KCNAB1: variants seen among roughly 807,000 people sequenced by gnomAD.
KCNAB1 encodes the protein voltage-gated potassium channel subunit beta-1.
KCNAB1 carries 35 observed loss-of-function variants against 64.6 expected under a neutral mutation model. The ratio of observed to expected loss-of-function variants is 0.54; its 90% confidence interval spans 0.41 to 0.72. The LOEUF (loss-of-function observed/expected upper bound fraction) is 0.72, where lower values mean the gene tolerates loss of function less well. Ranked by LOEUF, KCNAB1 falls within the 30% of genes least tolerant of loss-of-function variation. The pLI, the probability that KCNAB1 is intolerant of heterozygous loss-of-function variation, is 0.00. For synonymous variants in KCNAB1, 177 were observed against 183.8 expected, an observed-to-expected ratio of 0.96 and a Z score of 0.30; for missense variants, 401 against 512.9, an observed-to-expected ratio of 0.78 and a Z score of 2.11.
chr3:156,131,285 C>A (rs910190833), intron 1 of KCNAB1, among the ~76,000 whole-genome samples: 1 of 152,166 alleles, frequency 6.6e-6, no homozygotes, highest in Admixed American at 6.5e-5. Flanking sequence ...CAACAGCCTC[C>A]CCAGGTATGT....
intron 1 of KCNAB1, among the ~76,000 whole-genome samples, chr3:156,343,997 G>A (rs988361726): frequency 3.9e-5 from 6 of 152,100 alleles, no homozygotes; most frequent in African/African-American, 9.7e-5. Context: ...CTAAAACCAC[G>A]TCTTGATTAC....
rs1284524252 is a variant in KCNAB1, at chr3:156,179,416, A to AC, written c.275+58541dup. Among the ~76,000 whole-genome samples the AC allele has an allele frequency of 8.2e-3, 621 of 75,856 alleles. 9 individuals are homozygous for AC. Among genetic ancestry groups the AC allele is most frequent in the East Asian group, 0.033 (58 of 1,760 alleles). The allele number at this position is 75,856 out of a possible 152,430, so 49.8% of individuals were successfully genotyped here. A position where few individuals can be genotyped will look rare whatever the true frequency, so the allele number is the denominator to read the frequency against. ...ATTCTTTATTATTCCCTGGTTTGGA[A>AC]CCCCCCCCCCCACCCCCTCACCCCC... On this transcript the variant is annotated intron_variant, in intron 1 of 13. Coordinates refer to ENST00000490337, the MANE Select transcript of KCNAB1 (RefSeq NM_172160.3).
At chr3:156,138,336 G>T (rs973220696) in intron 1 of KCNAB1, among the ~76,000 whole-genome samples, 3 of 152,134 alleles carry the variant, frequency 2.0e-5, no homozygotes, top group African/African-American at 7.2e-5. Context: ...AAAAATATGC[G>T]CTGGACTGTA....
At chr3:156,350,519 A>AC (rs1484735124) in intron 1 of KCNAB1, among the ~76,000 whole-genome samples, 1 of 152,128 alleles carries the variant, frequency 6.6e-6, no homozygotes, top group African/African-American at 2.4e-5. Context: ...AAAAAAAAAA[A>AC]AAAAGAGTGA....
chr3:156,218,892 C>T (rs570848627), intron 1 of KCNAB1, among the ~76,000 whole-genome samples: 3 of 151,458 alleles, frequency 2.0e-5, no homozygotes, highest in African/African-American at 7.2e-5. Flanking sequence ...CAGGAAGCCT[C>T]ATTCCTAGGG....
chr3:156,478,528 C>T (rs1026888677), intron 8 of KCNAB1, among the ~76,000 whole-genome samples: 2 of 152,038 alleles, frequency 1.3e-5, no homozygotes, highest in Non-Finnish European at 2.9e-5. Flanking sequence ...CCAGGTAGCG[C>T]GGAGTACAAG....
At chr3:156,348,891 C>T (rs1413373136) in intron 1 of KCNAB1, among the ~76,000 whole-genome samples, 9 of 152,164 alleles carry the variant, frequency 5.9e-5, no homozygotes, top group Admixed American at 5.9e-4. Flanking sequence ...CCTCTGGACC[C>T]TCTAAAATTT....
chr3:156,502,506 A>C (rs907037411), intron 8 of KCNAB1, among the ~76,000 whole-genome samples: 13 of 150,690 alleles, frequency 8.6e-5, no homozygotes, highest in Admixed American at 1.3e-4. Context: ...ATGAAAAAAA[A>C]ATGAAACCAG....
intron 1 of KCNAB1, among the ~76,000 whole-genome samples, chr3:156,201,993 AG>A (rs1714363567): frequency 6.6e-6 from 1 of 152,170 alleles, no homozygotes; most frequent in African/African-American, 2.4e-5. Flanking sequence ...GAGCAGACCA[AG>A]GGGTTCTCAG....
chr3:156,204,140 G>A (rs960656129), intron 1 of KCNAB1, among the ~76,000 whole-genome samples: 1 of 152,230 alleles, frequency 6.6e-6, no homozygotes, highest in African/African-American at 2.4e-5. Context: ...AAGGCTGAAA[G>A]CTTCACTTGT....
At chr3:156,273,602 G>T in intron 1 of KCNAB1, 1 of 456,612 alleles carries the variant, frequency 2.2e-6, no homozygotes, top group Non-Finnish European at 4.4e-6. Flanking sequence ...GTGGGAGAAG[G>T]GTGGCATCGG....
chr3:156,468,302 A>G (rs926313642), intron 7 of KCNAB1, among the ~76,000 whole-genome samples: 1 of 152,154 alleles, frequency 6.6e-6, no homozygotes, highest in African/African-American at 2.4e-5. Flanking sequence ...CAGAATGTAT[A>G]TATATGTATT....
intron 1 of KCNAB1, chr3:156,143,095 A>T (rs1577632058): frequency 6.8e-7 from 1 of 1,467,958 alleles, no homozygotes; most frequent in Non-Finnish European, 9.0e-7. Context: ...GAAGCCAGAT[A>T]ACCCAAGGTA....
At chr3:156,385,342 C>G (rs889166855) in intron 1 of KCNAB1, among the ~76,000 whole-genome samples, 16 of 151,938 alleles carry the variant, frequency 1.1e-4, no homozygotes, top group Non-Finnish European at 1.8e-4. Context: ...TGTTTAGTGC[C>G]TTCTAGATCT....
chr3:156,394,485 G>T (rs1713277813), intron 1 of KCNAB1, among the ~76,000 whole-genome samples: 1 of 152,098 alleles, frequency 6.6e-6, no homozygotes, highest in Admixed American at 6.5e-5. Flanking sequence ...GGTGAACAAG[G>T]ACCTCTTCCT....
intron 1 of KCNAB1, among the ~76,000 whole-genome samples, chr3:156,266,018 A>C (rs1260493867): frequency 1.3e-5 from 2 of 152,074 alleles, no homozygotes; most frequent in African/African-American, 2.4e-5. Context: ...AACAAAAAAA[A>C]CTGTGAATAT....
At chr3:156,209,414 C>G (rs149499308) in intron 1 of KCNAB1, among the ~76,000 whole-genome samples, 1 of 152,172 alleles carries the variant, frequency 6.6e-6, no homozygotes, top group African/African-American at 2.4e-5. Flanking sequence ...AGGGCTCCTG[C>G]CTATGTACAA....
chr3:156,473,929 A>G (rs1714140929), intron 7 of KCNAB1, among the ~76,000 whole-genome samples: 1 of 152,090 alleles, frequency 6.6e-6, no homozygotes, highest in Admixed American at 6.6e-5. Context: ...AATACATTCT[A>G]TTTCAGGGAA....
chr3:156,211,445 C>T (rs1484368626), intron 1 of KCNAB1, among the ~76,000 whole-genome samples: 2 of 152,162 alleles, frequency 1.3e-5, no homozygotes, highest in African/African-American at 2.4e-5. Context: ...TCAGTTGCTT[C>T]GTCTGGATAT....
Sources: gnomAD v4.1 joint callset for allele counts (sites outside exome capture counted in the v4.1 genomes callset) on GRCh38, gnomAD v4.1.1 for gene constraint, MANE v1.5 for transcripts, NCBI Gene and HGNC (gene_info 2026-07-23, HGNC 2026-07-21) for gene names.